The following CYP7B1 variants were observed in gnomAD, a reference collection of about 807,000 sequenced individuals.
The protein encoded by CYP7B1 is cytochrome P450 family 7 subfamily B member 1.
In CYP7B1, 29 loss-of-function variants were observed where a neutral mutation model predicts 42.7. The observed-to-expected ratio is 0.68, with a 90% confidence interval of 0.51 to 0.93. CYP7B1 has a LOEUF of 0.93. Ranked by LOEUF, CYP7B1 falls within the 40% of genes least tolerant of loss-of-function variation. The pLI is 0.00. For synonymous variants in CYP7B1, 235 were observed against 218.2 expected (o/e 1.08, Z -0.68); for missense variants, 655 against 600.5 (o/e 1.09, Z -0.95).
At chr8:64,748,276 CACAG>C (rs1262556535) in intron 1 of CYP7B1, among the ~76,000 whole-genome samples, 1 of 152,156 alleles carries the variant, frequency 6.6e-6, no homozygotes, top group Admixed American at 6.5e-5. Flanking sequence ...TTTAAATGCA[CACAG>C]ACAGACACTC....
intron 1 of CYP7B1, among the ~76,000 whole-genome samples, chr8:64,726,186 T>A (rs10087071): frequency 0.21 from 32,428 of 151,944 alleles, 3,672 homozygotes; most frequent in East Asian, 0.37. Flanking sequence ...TAAAAAAAAA[T>A]GCCCTCAATT....
At chr8:64,766,596 G>A (rs1807976847) in intron 1 of CYP7B1, among the ~76,000 whole-genome samples, 1 of 152,074 alleles carries the variant, frequency 6.6e-6, no homozygotes, top group Admixed American at 6.5e-5. Flanking sequence ...GGAAAGGCTG[G>A]GCAACTCGAA....
chr8:64,596,153 T>C lies in CYP7B1; in HGVS notation c.*489A>G, dbSNP rs1339479898. 6.1e-6 allele frequency: 1 copy of C among 164,672 alleles called. No individual in the cohort carries two copies. Among genetic ancestry groups the C allele is most frequent in the African/African-American group, 2.4e-5 (1 of 41,636 alleles). 10.2% of individuals were successfully genotyped at this position (164,672 alleles called of 1,614,324 possible). On this transcript the variant is annotated 3_prime_UTR_variant, in exon 6 of 6. Transcript: ENST00000310193. ...CCTGGAAATATAGGTATTATTAATA[T>C]TATACTTGAAGGGAACATTTTCATC...
At chr8:64,620,041 C>A (rs956674424) in intron 2 of CYP7B1, among the ~76,000 whole-genome samples, 3 of 151,956 alleles carry the variant, frequency 2.0e-5, no homozygotes, top group Non-Finnish European at 4.4e-5. Flanking sequence ...AAAAAATTAG[C>A]CAGGTGTGGT....
chr8:64,781,500 T>C (rs910999761), intron 1 of CYP7B1, among the ~76,000 whole-genome samples: 1 of 152,132 alleles, frequency 6.6e-6, no homozygotes, highest in African/African-American at 2.4e-5. Flanking sequence ...TTCTTTGCCT[T>C]TTCCAGCTTC....
intron 1 of CYP7B1, among the ~76,000 whole-genome samples, chr8:64,700,927 T>C (rs1168074672): frequency 3.9e-5 from 1 of 25,510 alleles, no homozygotes; most frequent in East Asian, 6.3e-4. Context: ...TCACTTTTTG[T>C]TGTTGTTGTT....
At chr8:64,632,362 C>T (rs1029915280) in intron 1 of CYP7B1, among the ~76,000 whole-genome samples, 1 of 152,032 alleles carries the variant, frequency 6.6e-6, no homozygotes, top group Non-Finnish European at 1.5e-5. Context: ...GAGATATCTA[C>T]GATAGCCAAT....
chr8:64,718,842 T>A (rs1350369691), intron 1 of CYP7B1, among the ~76,000 whole-genome samples: 1 of 152,160 alleles, frequency 6.6e-6, no homozygotes, highest in Non-Finnish European at 1.5e-5. Flanking sequence ...AAATATAAAG[T>A]AGATTCCCGG....
intron 1 of CYP7B1, among the ~76,000 whole-genome samples, chr8:64,779,559 C>T (rs1804384718): frequency 6.6e-6 from 1 of 152,122 alleles, no homozygotes; most frequent in Non-Finnish European, 1.5e-5. Context: ...AAGGACAGCA[C>T]TACTGAAATA....
chr8:64,786,046 C>A (rs1283382162), intron 1 of CYP7B1, among the ~76,000 whole-genome samples: 2 of 152,096 alleles, frequency 1.3e-5, no homozygotes, highest in Non-Finnish European at 2.9e-5. Flanking sequence ...AGGGAAATAA[C>A]CCCCATGATC....
At chr8:64,726,188 C>T (rs1021640875) in intron 1 of CYP7B1, among the ~76,000 whole-genome samples, 2 of 152,012 alleles carry the variant, frequency 1.3e-5, no homozygotes, top group African/African-American at 2.4e-5. Flanking sequence ...AAAAAAAATG[C>T]CCTCAATTGT....
intron 5 of CYP7B1, among the ~76,000 whole-genome samples, chr8:64,603,317 G>A (rs111288630): frequency 6.6e-6 from 1 of 152,108 alleles, no homozygotes; most frequent in Non-Finnish European, 1.5e-5. Flanking sequence ...CATCATGAGG[G>A]TAAGAAATAG....
chr8:64,781,539 G>T (rs1002344472), intron 1 of CYP7B1, among the ~76,000 whole-genome samples: 8 of 151,976 alleles, frequency 5.3e-5, no homozygotes, highest in African/African-American at 1.9e-4. Flanking sequence ...TTTGGCTCAG[G>T]AAATACTTCA....
At chr8:64,697,370 T>G (rs1806844111) in intron 1 of CYP7B1, among the ~76,000 whole-genome samples, 1 of 148,624 alleles carries the variant, frequency 6.7e-6, no homozygotes, top group African/African-American at 2.6e-5. Flanking sequence ...ATTCAGTTTT[T>G]TATGACATGA....
chr8:64,752,395 CGTGTGT>C (rs5891973), intron 1 of CYP7B1, among the ~76,000 whole-genome samples: 306 of 148,248 alleles, frequency 2.1e-3, no homozygotes, highest in African/African-American at 6.6e-3. Flanking sequence ...TGTGCATGTG[CGTGTGT>C]GTGTGTGTGT....
intron 1 of CYP7B1, among the ~76,000 whole-genome samples, chr8:64,691,491 G>GGT (rs1427386564): frequency 3.4e-5 from 5 of 148,634 alleles, no homozygotes; most frequent in Non-Finnish European, 6.0e-5. Context: ...CTGGGGGGGG[G>GGT]GGGTGGTGGT....
intron 1 of CYP7B1, among the ~76,000 whole-genome samples, chr8:64,776,889 A>C (rs1253564945): frequency 1.3e-5 from 2 of 152,128 alleles, no homozygotes; most frequent in African/African-American, 4.8e-5. Context: ...AGTGCCCTTC[A>C]GTTTAGATAA....
At chr8:64,752,328 T>C (rs1011519454) in intron 1 of CYP7B1, among the ~76,000 whole-genome samples, 5 of 152,170 alleles carry the variant, frequency 3.3e-5, no homozygotes, top group Admixed American at 6.6e-5. Context: ...TTTTGGAATA[T>C]ATTTTCATAA....
At position 64,686,525 on chromosome 8, in the gene CYP7B1, C is replaced by T. The variant is rs1197704947; in HGVS notation, c.123-61986G>A. On this transcript the variant is annotated intron_variant, in intron 1 of 5. Coordinates refer to ENST00000310193, the MANE Select transcript of CYP7B1 (RefSeq NM_004820.5). ...GGTGGGGGGGGTCAGCCCCCCTGCCCGGCCAGCCACCCCGTCCGGGAGGTG... is the reference window on the plus strand; with the variant it reads ...GGTGGGGGGGGTCAGCCCCCCTGCCTGGCCAGCCACCCCGTCCGGGAGGTG... 3.4e-5 allele frequency among the ~76,000 whole-genome samples: 2 copies of T among 59,086 alleles called. 1 individual carries two copies. The highest frequency in any genetic ancestry group is 1.6e-4 in the African/African-American group (2 of 12,840). 38.8% of individuals were successfully genotyped at this position (59,086 alleles called of 152,430 possible).
Sources: gnomAD v4.1 joint callset for allele counts (sites outside exome capture counted in the v4.1 genomes callset) on GRCh38, gnomAD v4.1.1 for gene constraint, MANE v1.5 for transcripts, NCBI Gene and HGNC (gene_info 2026-07-23, HGNC 2026-07-21) for gene names.